PAPPA2: variants seen among roughly 807,000 people sequenced by gnomAD.
PAPPA2 encodes pappalysin-2.
Under a neutral mutation model 176.4 loss-of-function variants are expected in PAPPA2, and 86 were observed. That is an observed-to-expected ratio of 0.49 (90% CI 0.41 to 0.58). PAPPA2 has a LOEUF of 0.58. Ranked by LOEUF, PAPPA2 falls within the 20% of genes least tolerant of loss-of-function variation. The pLI, the probability that PAPPA2 is intolerant of heterozygous loss-of-function variation, is 0.00. For missense variants in PAPPA2, 2,073 were observed against 2,256.9 expected (o/e 0.92, Z 1.65); for synonymous variants, 809 against 852.2 (o/e 0.95, Z 0.88).
intron 1 of PAPPA2, among the ~76,000 whole-genome samples, chr1:176,514,381 C>G (rs1648784951): frequency 6.6e-6 from 1 of 152,178 alleles, no homozygotes; most frequent in South Asian, 2.1e-4. Flanking sequence ...CATAAGGGAT[C>G]TGCCCCATGA....
At chr1:176,618,868 G>A (rs1324429998) in intron 3 of PAPPA2, among the ~76,000 whole-genome samples, 1 of 152,056 alleles carries the variant, frequency 6.6e-6, no homozygotes, top group African/African-American at 2.4e-5. Context: ...GGCTGTGGGG[G>A]CATAAATTAT....
chr1:176,759,972 G>T (rs1309035740), intron 14 of PAPPA2, among the ~76,000 whole-genome samples: 1 of 152,144 alleles, frequency 6.6e-6, no homozygotes, highest in East Asian at 1.9e-4. Flanking sequence ...TGTTAGTCAA[G>T]ATTTAAGAGA....
At chr1:176,563,779 A>G (rs1015021582) in intron 2 of PAPPA2, among the ~76,000 whole-genome samples, 1 of 152,138 alleles carries the variant, frequency 6.6e-6, no homozygotes, top group Non-Finnish European at 1.5e-5. Flanking sequence ...AGTTTCATGG[A>G]CCAAGGACCC....
intron 1 of PAPPA2, among the ~76,000 whole-genome samples, chr1:176,469,174 A>T (rs1651763299): frequency 6.6e-6 from 1 of 152,254 alleles, no homozygotes; most frequent in Non-Finnish European, 1.5e-5. Flanking sequence ...TTCCTTGATA[A>T]GCCCAAGTCT....
intron 1 of PAPPA2, among the ~76,000 whole-genome samples, chr1:176,485,299 G>T (rs191167344): frequency 6.6e-6 from 1 of 152,156 alleles, no homozygotes; most frequent in East Asian, 1.9e-4. Flanking sequence ...CTAATGATGT[G>T]TCTCCCCATT....
intron 3 of PAPPA2, among the ~76,000 whole-genome samples, chr1:176,623,659 C>CTTTCTTTCTTTCTTTCTTTCTTTCTT (rs1655771831): frequency 7.8e-6 from 1 of 128,890 alleles, no homozygotes; most frequent in Non-Finnish European, 1.7e-5. Flanking sequence ...TTCTTTCTTT[C>CTTTCTTTCTTTCTTTCTTTCTTTCTT]TTTCTTTCTT....
chr1:176,606,360 G>T (rs1036386238), intron 3 of PAPPA2, among the ~76,000 whole-genome samples: 4 of 152,090 alleles, frequency 2.6e-5, no homozygotes, highest in Non-Finnish European at 5.9e-5. Flanking sequence ...AGTATTTGTT[G>T]ATTTTAATTA....
intron 11 of PAPPA2, 63 bp from the exon 12 acceptor site, chr1:176,711,772 C>A: frequency 7.2e-6 from 11 of 1,520,570 alleles, no homozygotes; most frequent in Non-Finnish European, 9.1e-6. Context: ...TGGAGAGTTT[C>A]ATTGTCCTTA....
At chr1:176,555,010 A>T (rs1421169494) in intron 1 of PAPPA2, among the ~76,000 whole-genome samples, 8 of 139,614 alleles carry the variant, frequency 5.7e-5, no homozygotes, top group African/African-American at 1.3e-4. Flanking sequence ...TGAGAGAGAG[A>T]GAGAGAGAGA....
chr1:176,794,386 G>C (rs1665329183), intron 20 of PAPPA2, among the ~76,000 whole-genome samples: 1 of 152,166 alleles, frequency 6.6e-6, no homozygotes, highest in Non-Finnish European at 1.5e-5. Flanking sequence ...GTCTTGCACA[G>C]TTTCTAGCAC....
At chr1:176,515,287 C>A (rs780982864) in intron 1 of PAPPA2, among the ~76,000 whole-genome samples, 1 of 152,078 alleles carries the variant, frequency 6.6e-6, no homozygotes, top group Non-Finnish European at 1.5e-5. Flanking sequence ...ACCAGGCTAA[C>A]GGGAATGGCT....
chr1:176,530,016 C>T (rs1649723665), intron 1 of PAPPA2, among the ~76,000 whole-genome samples: 1 of 152,184 alleles, frequency 6.6e-6, no homozygotes, highest in Non-Finnish European at 1.5e-5. Flanking sequence ...AACAACATTA[C>T]TTCACACACA....
At chr1:176,745,643 T>C (rs533078255) in intron 14 of PAPPA2, among the ~76,000 whole-genome samples, 1 of 152,170 alleles carries the variant, frequency 6.6e-6, no homozygotes, top group Admixed American at 6.5e-5. Flanking sequence ...AATAAAAGAA[T>C]GATTGATAAA....
intron 10 of PAPPA2, among the ~76,000 whole-genome samples, chr1:176,708,215 T>G (rs953970798): frequency 6.6e-6 from 1 of 152,142 alleles, no homozygotes; most frequent in African/African-American, 2.4e-5. Context: ...ATTTGGCTAT[T>G]TCCTTCAACC....
At chr1:176,638,289 T>C (rs188332270) in intron 3 of PAPPA2, among the ~76,000 whole-genome samples, 1 of 151,550 alleles carries the variant, frequency 6.6e-6, no homozygotes, top group Non-Finnish European at 1.5e-5. Context: ...CCAAACACAA[T>C]GCACATTAGA....
chr1:176,736,968 T>C (rs1290867653), intron 12 of PAPPA2, among the ~76,000 whole-genome samples: 1 of 152,010 alleles, frequency 6.6e-6, no homozygotes, highest in Non-Finnish European at 1.5e-5. Flanking sequence ...AGGCTATACA[T>C]TTCAGAAAAT....
chr1:176,651,575 T>C (rs1657729259), intron 3 of PAPPA2, among the ~76,000 whole-genome samples: 1 of 151,700 alleles, frequency 6.6e-6, no homozygotes, highest in Admixed American at 6.6e-5. Flanking sequence ...AATTTGATTA[T>C]TATATGACTC....
At chr1:176,738,914 T>G (rs1662541490) in intron 12 of PAPPA2, among the ~76,000 whole-genome samples, 1 of 152,136 alleles carries the variant, frequency 6.6e-6, no homozygotes, top group Admixed American at 6.6e-5. Context: ...TGTTTTAGTG[T>G]TAATCACCCT....
chr1:176,476,298 A>G (rs1441552301), intron 1 of PAPPA2, among the ~76,000 whole-genome samples: 1 of 152,206 alleles, frequency 6.6e-6, no homozygotes, highest in Non-Finnish European at 1.5e-5. Flanking sequence ...CCAGGAGAAC[A>G]GAGACCTTGC....
Sources: gnomAD v4.1 joint callset for allele counts (sites outside exome capture counted in the v4.1 genomes callset) on GRCh38, gnomAD v4.1.1 for gene constraint, MANE v1.5 for transcripts, NCBI Gene and HGNC (gene_info 2026-07-23, HGNC 2026-07-21) for gene names.